Variants in PCCA observed in about 807,000 individuals in gnomAD.
The protein encoded by PCCA is propionyl-CoA carboxylase subunit alpha, also known as propionyl-CoA carboxylase alpha chain, mitochondrial.
PCCA carries 74 observed loss-of-function variants against 101.3 expected under a neutral mutation model. The ratio of observed to expected loss-of-function variants is 0.73; its 90% CI spans 0.61 to 0.89. The LOEUF (loss-of-function observed/expected upper bound fraction) is 0.89, where lower values mean the gene tolerates loss of function less well. PCCA is among the 40% of genes least tolerant of loss of function. The probability of loss-of-function intolerance (pLI) is 0.00; values close to 1 mark genes in which losing one functional copy is unlikely to be tolerated. For missense variants in PCCA, 891 were observed against 907.0 expected (o/e 0.98, Z 0.23); for synonymous variants, 294 against 313.6 (o/e 0.94, Z 0.66).
intron 5 of PCCA, 40 bp downstream of exon 5, chr13:100,155,132 T>G (rs757148763): frequency 8.0e-7 from 1 of 1,256,664 alleles, no homozygotes. Flanking sequence ...CTGTTTCATA[T>G]GTAGTGAGCA....
intron 6 of PCCA, among the ~76,000 whole-genome samples, chr13:100,194,976 A>G (rs4772270): frequency 0.75 from 114,036 of 152,076 alleles, 43,133 homozygotes; most frequent in East Asian, 0.99. Context: ...GTTATATTCC[A>G]AAGTTTAACT....
At chr13:100,166,040 T>G (rs899377291) in intron 6 of PCCA, among the ~76,000 whole-genome samples, 3 of 152,244 alleles carry the variant, frequency 2.0e-5, no homozygotes, top group Admixed American at 2.0e-4. Flanking sequence ...TGTACACTTA[T>G]GAAATCATAA....
chr13:100,517,862 A>G (rs1397909381), intron 22 of PCCA, among the ~76,000 whole-genome samples: 2 of 152,182 alleles, frequency 1.3e-5, no homozygotes, highest in Non-Finnish European at 2.9e-5. Flanking sequence ...TCTTAGCGCA[A>G]CTTCTATAGT....
intron 2 of PCCA, among the ~76,000 whole-genome samples, chr13:100,109,066 A>AC (rs2048069539): frequency 6.6e-6 from 1 of 152,198 alleles, no homozygotes; most frequent in Non-Finnish European, 1.5e-5. Context: ...AGTTAGACAG[A>AC]TAGGGGCACA....
intron 7 of PCCA, among the ~76,000 whole-genome samples, chr13:100,232,403 C>T (rs1019207268): frequency 6.1e-5 from 7 of 114,222 alleles, no homozygotes; most frequent in Non-Finnish European, 1.3e-4. Context: ...GTTTTAGAGA[C>T]GGAGTCTCAC....
chr13:100,149,834 A>G (rs564204585), intron 4 of PCCA: 2 of 152,184 alleles, frequency 1.3e-5, no homozygotes, highest in Non-Finnish European at 2.9e-5. Context: ...TTTAGAAGGT[A>G]TTCAAAATGT....
chr13:100,154,155 A>G (rs1449041354), intron 4 of PCCA, among the ~76,000 whole-genome samples: 1 of 152,198 alleles, frequency 6.6e-6, no homozygotes, highest in Non-Finnish European at 1.5e-5. Context: ...GAAACTGGAA[A>G]GCCATTAGGA....
intron 6 of PCCA, among the ~76,000 whole-genome samples, chr13:100,188,217 C>T (rs575315580): frequency 1.6e-3 from 241 of 152,160 alleles, no homozygotes; most frequent in African/African-American, 5.4e-3. Context: ...CGCTTGAAGC[C>T]GGGAGGTGGA....
chr13:100,310,039 A>G lies in PCCA; in HGVS notation c.1429+131A>G, dbSNP rs2066784455. 25 of 713,478 alleles carry G rather than the reference A, an allele frequency of 3.5e-5. No individual in the cohort carries two copies. In the East Asian group the frequency reaches 6.8e-4, roughly 19 times the overall value. The allele number at this position is 713,478 out of a possible 1,614,324, so 44.2% of individuals were successfully genotyped here. ...TATGTGCTTAAAGAGAAATAAGAAAAACTCAAATCCATCAAACCACCATAC... is the reference window on the plus strand; with the variant it reads ...TATGTGCTTAAAGAGAAATAAGAAAGACTCAAATCCATCAAACCACCATAC... On this transcript the variant is annotated intron_variant, in intron 16 of 23. Transcript: ENST00000376285.
At chr13:100,166,020 C>T (rs570747977) in intron 6 of PCCA, among the ~76,000 whole-genome samples, 1 of 152,224 alleles carries the variant, frequency 6.6e-6, no homozygotes, top group Admixed American at 6.5e-5. Flanking sequence ...ATTAATTGTA[C>T]ACTTATATGT....
chr13:100,117,979 G>A (rs886247016), intron 4 of PCCA, among the ~76,000 whole-genome samples: 4 of 151,860 alleles, frequency 2.6e-5, no homozygotes, highest in African/African-American at 9.7e-5. Flanking sequence ...AGCCAGGCGT[G>A]GTGGCAGGCT....
At chr13:100,463,562 G>A (rs1292190711) in intron 21 of PCCA, among the ~76,000 whole-genome samples, 1 of 152,052 alleles carries the variant, frequency 6.6e-6, no homozygotes, top group Non-Finnish European at 1.5e-5. Context: ...TTAAAAAGAT[G>A]GATTTAACCA....
At chr13:100,177,150 G>A (rs1433105268) in intron 6 of PCCA, among the ~76,000 whole-genome samples, 1 of 152,150 alleles carries the variant, frequency 6.6e-6, no homozygotes, top group Non-Finnish European at 1.5e-5. Context: ...TTTCTTCCAA[G>A]TCAGTAAAAA....
chr13:100,401,242 C>CTTGT (rs933280287), intron 19 of PCCA, among the ~76,000 whole-genome samples: 7 of 151,424 alleles, frequency 4.6e-5, no homozygotes, highest in Admixed American at 2.0e-4. Context: ...GTTGTTGTTG[C>CTTGT]TTGTTTGTTT....
At chr13:100,507,782 G>A (rs762641335) in intron 21 of PCCA, among the ~76,000 whole-genome samples, 4 of 151,302 alleles carry the variant, frequency 2.6e-5, no homozygotes, top group East Asian at 1.9e-4. Context: ...TCAGCCTCCC[G>A]AGCAGCTAGG....
intron 14 of PCCA, among the ~76,000 whole-genome samples, chr13:100,306,846 T>G (rs568761169): frequency 3.5e-4 from 53 of 152,294 alleles, no homozygotes; most frequent in African/African-American, 1.2e-3. Flanking sequence ...CTCAGAAGGG[T>G]CTGGCAGGGA....
At chr13:100,316,132 G>A (rs961533709) in intron 16 of PCCA, among the ~76,000 whole-genome samples, 7 of 152,196 alleles carry the variant, frequency 4.6e-5, no homozygotes, top group African/African-American at 1.7e-4. Flanking sequence ...ACAGTTAGTC[G>A]AGGCATAGAT....
intron 14 of PCCA, among the ~76,000 whole-genome samples, chr13:100,304,106 C>T (rs1240099130): frequency 1.3e-5 from 2 of 152,200 alleles, no homozygotes; most frequent in East Asian, 3.8e-4. Flanking sequence ...AAACGTGAGA[C>T]CTGTTGAAAG....
At chr13:100,430,142 G>A (rs2079437835) in intron 20 of PCCA, among the ~76,000 whole-genome samples, 1 of 151,948 alleles carries the variant, frequency 6.6e-6, no homozygotes, top group Admixed American at 6.6e-5. Context: ...AGGCATGGTG[G>A]CGCATGCCTG....
Sources: gnomAD v4.1 joint callset for allele counts (sites outside exome capture counted in the v4.1 genomes callset) on GRCh38, gnomAD v4.1.1 for gene constraint, MANE v1.5 for transcripts, NCBI Gene and HGNC (gene_info 2026-07-23, HGNC 2026-07-21) for gene names.